Variants in PPP2R1B observed in about 807,000 individuals in gnomAD.
PPP2R1B encodes the protein serine/threonine-protein phosphatase 2A 65 kDa regulatory subunit A beta isoform.
PPP2R1B carries 58 observed loss-of-function variants against 72.7 expected under a neutral mutation model. The ratio of observed to expected loss-of-function variants is 0.80; its 90% CI spans 0.65 to 0.99. The LOEUF (loss-of-function observed/expected upper bound fraction) is 0.99, where lower values mean the gene tolerates loss of function less well. Ranked by LOEUF, PPP2R1B falls within the 50% of genes least tolerant of loss-of-function variation. The pLI, the probability that PPP2R1B is intolerant of heterozygous loss-of-function variation, is 0.00. For synonymous variants in PPP2R1B, 256 were observed against 264.6 expected, an observed-to-expected ratio of 0.97 and a Z score of 0.32; for missense variants, 695 against 733.6, an observed-to-expected ratio of 0.95 and a Z score of 0.61.
In PPP2R1B at chr11:111,739,265, A is replaced by T; in HGVS notation, c.*2331T>A. 1 of 972,432 alleles carries T rather than the reference A, an allele frequency of 1.0e-6. No individual in the cohort carries two copies. Among genetic ancestry groups the T allele is most frequent in the Non-Finnish European group, 1.2e-6 (1 of 818,218 alleles). The allele number at this position is 972,432 out of a possible 1,614,324, so 60.2% of individuals were successfully genotyped here. A position where few individuals can be genotyped will look rare whatever the true frequency, so the allele number is the denominator to read the frequency against. On this transcript the variant is annotated 3_prime_UTR_variant, in exon 15 of 15. Coordinates refer to ENST00000527614, the MANE Select transcript of PPP2R1B (RefSeq NM_002716.5). The stretch of plus-strand genomic sequence containing the variant: ...TACAGTAGAAGATAAAACAGACAAA[A>T]ATACCAGCCTTACAGAGCTCCTAAA...
downstream of PPP2R1B, chr11:111,724,821 T>C (rs1829604768): frequency 1.3e-5 from 2 of 152,326 alleles, no homozygotes; most frequent in Non-Finnish European, 2.9e-5. Flanking sequence ...GGTTGCCGAG[T>C]GTCAGAATAT....
At chr11:111,717,500 TA>T in the PPP2R1B span, among the ~76,000 whole-genome samples, 80 of 152,174 alleles carry the variant, frequency 5.3e-4, 1 homozygote, top group East Asian at 0.015. Flanking sequence ...AGTGGGAGTG[TA>T]AATTAGTTCA....
chr11:111,706,450 T>C, the PPP2R1B span, among the ~76,000 whole-genome samples: 9 of 152,138 alleles, frequency 5.9e-5, no homozygotes, highest in Admixed American at 2.0e-4. Context: ...GTATGCTCCA[T>C]TGACTTTCCT....
intron 10 of PPP2R1B, among the ~76,000 whole-genome samples, chr11:111,750,797 T>C (rs1324146973): frequency 6.6e-6 from 1 of 152,088 alleles, no homozygotes; most frequent in African/African-American, 2.4e-5. Flanking sequence ...ATGTGGACTT[T>C]GACCAAAATA....
the PPP2R1B span, among the ~76,000 whole-genome samples, chr11:111,693,656 G>A: frequency 6.6e-6 from 1 of 152,154 alleles, no homozygotes; most frequent in Non-Finnish European, 1.5e-5. Flanking sequence ...TTAATCACAC[G>A]TCAAACAGGG....
At chr11:111,737,499 A>T (rs749592176), downstream of PPP2R1B, 4 of 1,614,088 alleles carry the variant, frequency 2.5e-6, no homozygotes, top group Non-Finnish European at 3.4e-6. Flanking sequence ...GGTTCTTGTC[A>T]GCCCGAGGGA....
At chr11:111,688,264 GAT>G in the PPP2R1B span, 4 of 1,158,558 alleles carry the variant, frequency 3.5e-6, no homozygotes, top group African/African-American at 4.6e-5. The surrounding 1 kb of genome is among the most constrained non-coding windows in gnomAD (Gnocchi z 4.2). Flanking sequence ...ATTTCTACCT[GAT>G]GACATCAGGC....
intron 15 of PPP2R1B, chr11:111,730,860 G>A (rs1037485046): frequency 3.9e-5 from 6 of 152,124 alleles, no homozygotes; most frequent in Non-Finnish European, 7.4e-5. Flanking sequence ...CTAAGAGCCC[G>A]GGTGATGTGA....
At chr11:111,714,656 G>C in the PPP2R1B span, among the ~76,000 whole-genome samples, 1 of 152,192 alleles carries the variant, frequency 6.6e-6, no homozygotes, top group East Asian at 1.9e-4. Flanking sequence ...GATGGAGGGT[G>C]AGAGCCATTT....
rs1023860777 is a variant in PPP2R1B at position 111,751,082 on chromosome 11, G to A, written c.1338+1077C>T. On this transcript the variant is annotated intron_variant, in intron 10 of 14. Transcript: ENST00000527614. ...TGGAACTCCTAGCCTCAAGTGATTC[G>A]CCTGCCTCTGGCTCCCAAAGTGCTG... 2.0e-5 allele frequency among the ~76,000 whole-genome samples: 3 copies of A among 152,110 alleles called. No homozygotes were observed. In the East Asian group the frequency reaches 5.8e-4, roughly 29 times the overall value.
At chr11:111,720,443 G>A in the PPP2R1B span, 1 of 1,555,684 alleles carries the variant, frequency 6.4e-7, no homozygotes, top group Non-Finnish European at 8.7e-7. Flanking sequence ...AGATGCTATT[G>A]CTGTTGGTTT....
chr11:111,711,672 T>G, the PPP2R1B span, among the ~76,000 whole-genome samples: 14 of 152,208 alleles, frequency 9.2e-5, no homozygotes, highest in Non-Finnish European at 1.8e-4. Context: ...CTGCTTCTCT[T>G]TCTTCCTCTT....
chr11:111,730,174 T>C (rs1350908824), intron 15 of PPP2R1B: 1 of 152,074 alleles, frequency 6.6e-6, no homozygotes, highest in Non-Finnish European at 1.5e-5. Flanking sequence ...AGTGGGTGGG[T>C]AGAGGGGAGC....
chr11:111,707,894 G>A, the PPP2R1B span, among the ~76,000 whole-genome samples: 1 of 152,144 alleles, frequency 6.6e-6, no homozygotes, highest in Admixed American at 6.6e-5. Context: ...GAGTTCCTGT[G>A]CCCTTAAATA....
downstream of PPP2R1B, among the ~76,000 whole-genome samples, chr11:111,734,509 T>C (rs1297455418): frequency 6.6e-6 from 1 of 152,238 alleles, no homozygotes; most frequent in East Asian, 1.9e-4. Context: ...GCTCGGCCCC[T>C]AGGCCCCACA....
downstream of PPP2R1B, chr11:111,737,580 A>C (rs752616927): frequency 6.2e-7 from 1 of 1,614,184 alleles, no homozygotes; most frequent in South Asian, 1.1e-5. Flanking sequence ...CTAGAGACAC[A>C]GACAGTGGCG....
In PPP2R1B at chr11:111,738,013, A is replaced by C. The variant is rs994784981; in HGVS notation, c.*3583T>G. On this transcript the variant is annotated 3_prime_UTR_variant, in exon 15 of 15. Coordinates refer to ENST00000527614, the MANE Select transcript of PPP2R1B (RefSeq NM_002716.5). ...ACTGAACGTTATGTAATTTCCTGGA[A>C]ACAGCAGGCTCGTGGAGGCAAACGG... The C allele has an allele frequency of 9.9e-7, 1 of 1,010,484 alleles. No individual in the cohort carries two copies. Among genetic ancestry groups the C allele is most frequent in the African/African-American group, 1.7e-5 (1 of 58,594 alleles). The allele number at this position is 1,010,484 out of a possible 1,614,324, so 62.6% of individuals were successfully genotyped here. A position where few individuals can be genotyped will look rare whatever the true frequency, so the allele number is the denominator to read the frequency against.
chr11:111,747,938 G>A lies in PPP2R1B; in HGVS notation c.1399+16C>T. 6.3e-7 allele frequency: 1 copy of A among 1,597,982 alleles called. No individual in the cohort carries two copies. Among genetic ancestry groups the A allele is most frequent in the African/African-American group, 1.3e-5 (1 of 74,550 alleles). ...TGGATATATGGGCTTTCAATAATCT[G>A]TTTTTATCTACTCACCATGGTCCAC... On this transcript the variant is annotated intron_variant, in intron 11 of 14. Transcript: ENST00000527614.
rs782074487 is a variant in PPP2R1B, at chr11:111,752,323, C to G, written c.1174G>C (p.Val392Leu). The change falls in exon 10 of 15, where the codon GTT (valine) becomes CTT (leucine). Residue 392 changes from valine to leucine, a missense_variant. Val to Leu is a conservative substitution (Grantham distance 32). Transcript: ENST00000527614. Reference protein sequence around the residue: ...LAQLKDECPDVRLNIISNLDC... With the variant: ...LAQLKDECPDLRLNIISNLDC... ...AAATTGGAGATGATATTCAAACGAA[C>G]GTCAGGACACTGCAAGTACACAAGC... is the stretch of plus-strand genomic sequence containing the variant. 6.2e-7 allele frequency: 1 copy of G among 1,608,558 alleles called. No homozygotes were observed. Among genetic ancestry groups the G allele is most frequent in the Non-Finnish European group, 8.5e-7 (1 of 1,177,404 alleles).
Sources: gnomAD v4.1 joint callset for allele counts (sites outside exome capture counted in the v4.1 genomes callset) on GRCh38, gnomAD v4.1.1 for gene constraint, Gnocchi (gnomAD v3.1) non-coding constraint, MANE v1.5 for transcripts, NCBI Gene and HGNC (gene_info 2026-07-23, HGNC 2026-07-21) for gene names.